Variants in CTNNA3 observed in about 807,000 individuals in gnomAD.
The protein encoded by CTNNA3 is catenin alpha-3.
A neutral mutation model predicts 95.7 loss-of-function variants in CTNNA3; 76 were observed. The ratio of observed to expected loss-of-function variants is 0.79; its 90% CI spans 0.66 to 0.96. The LOEUF (loss-of-function observed/expected upper bound fraction) is 0.96. Ranked by LOEUF, CTNNA3 falls within the 40% of genes least tolerant of loss-of-function variation. The pLI, the probability that CTNNA3 is intolerant of heterozygous loss-of-function variation, is 0.00. For synonymous variants in CTNNA3, 431 were observed against 374.4 expected, an observed-to-expected ratio of 1.15 and a Z score of -1.74; for missense variants, 1,191 against 1,089.8, an observed-to-expected ratio of 1.09 and a Z score of -1.31.
intron 7 of CTNNA3, among the ~76,000 whole-genome samples, chr10:66,920,391 G>A (rs1057183549): frequency 6.6e-6 from 1 of 152,174 alleles, no homozygotes; most frequent in African/African-American, 2.4e-5. Context: ...CAGTACATGT[G>A]TTGAGTCCAA....
chr10:66,500,851 G>A (rs1046179566), intron 11 of CTNNA3, among the ~76,000 whole-genome samples: 4 of 152,152 alleles, frequency 2.6e-5, no homozygotes, highest in African/African-American at 9.7e-5. Flanking sequence ...TTGTAGGGTA[G>A]TTGGTCTGGA....
intron 3 of CTNNA3, among the ~76,000 whole-genome samples, chr10:67,560,455 A>G (rs917623300): frequency 8.6e-4 from 130 of 151,776 alleles, no homozygotes; most frequent in African/African-American, 3.0e-3. Context: ...TTTGTCACCA[A>G]CAGGCCTGCC....
intron 3 of CTNNA3, among the ~76,000 whole-genome samples, chr10:67,557,387 G>A (rs1841297051): frequency 6.6e-6 from 1 of 152,104 alleles, no homozygotes; most frequent in Non-Finnish European, 1.5e-5. Flanking sequence ...TCACCATTAA[G>A]CATTCAATTT....
intron 10 of CTNNA3, among the ~76,000 whole-genome samples, chr10:66,541,130 C>G (rs1841836868): frequency 6.6e-6 from 1 of 152,074 alleles, no homozygotes; most frequent in Non-Finnish European, 1.5e-5. Context: ...AATGGAGAAT[C>G]TACAGGGATG....
At chr10:66,389,742 A>ATT (rs1488068641) in intron 11 of CTNNA3, among the ~76,000 whole-genome samples, 1 of 151,642 alleles carries the variant, frequency 6.6e-6, no homozygotes, top group South Asian at 2.1e-4. Flanking sequence ...AGAGAGAGAG[A>ATT]GAGAGAGAGA....
Position 66,536,016 on chromosome 10 carries a change from C to T in CTNNA3, c.1375-15243G>A, listed in dbSNP as rs540052921. 7.3e-4 allele frequency among the ~76,000 whole-genome samples: 111 copies of T among 152,000 alleles called. 2 individuals carry two copies. The highest frequency in any genetic ancestry group is 2.6e-3 in the African/African-American group (107 of 41,458). ...ATTGCAGCAAATCTATGTTGAGATACACAGATATCAGAAACAAAATCTGGG... is the reference window on the plus strand; with the variant it reads ...ATTGCAGCAAATCTATGTTGAGATATACAGATATCAGAAACAAAATCTGGG... On this transcript the variant is annotated intron_variant, in intron 10 of 17. Coordinates refer to ENST00000433211, the MANE Select transcript of CTNNA3 (RefSeq NM_013266.4).
intron 7 of CTNNA3, among the ~76,000 whole-genome samples, chr10:67,060,296 G>A (rs1855687748): frequency 6.6e-6 from 1 of 152,108 alleles, no homozygotes; most frequent in African/African-American, 2.4e-5. Context: ...CCAGCCTGGT[G>A]ACAGAGACCT....
At chr10:66,467,447 T>C (rs1163441203) in intron 11 of CTNNA3, among the ~76,000 whole-genome samples, 1 of 152,060 alleles carries the variant, frequency 6.6e-6, no homozygotes, top group Non-Finnish European at 1.5e-5. Flanking sequence ...CCATATCTCT[T>C]ACCCACTCCC....
At chr10:66,923,668 T>G (rs1024596014) in intron 7 of CTNNA3, among the ~76,000 whole-genome samples, 4 of 152,214 alleles carry the variant, frequency 2.6e-5, no homozygotes, top group Non-Finnish European at 4.4e-5. Flanking sequence ...CTGTGAAAAG[T>G]AAAGATCACT....
intron 16 of CTNNA3, among the ~76,000 whole-genome samples, chr10:65,976,397 G>C (rs745674645): frequency 1.4e-4 from 22 of 152,208 alleles, no homozygotes; most frequent in African/African-American, 5.1e-4. Flanking sequence ...AGCAAAACAT[G>C]CTGTCTCTAT....
At chr10:66,795,134 A>T (rs1841138266) in intron 7 of CTNNA3, among the ~76,000 whole-genome samples, 1 of 152,166 alleles carries the variant, frequency 6.6e-6, no homozygotes, top group African/African-American at 2.4e-5. Flanking sequence ...TGAATCATGA[A>T]TGTTCTTAAT....
At chr10:67,426,106 C>A (rs1845914303) in intron 5 of CTNNA3, among the ~76,000 whole-genome samples, 1 of 152,022 alleles carries the variant, frequency 6.6e-6, no homozygotes, top group Non-Finnish European at 1.5e-5. Flanking sequence ...AGCAAGAATT[C>A]CCAAATGGGT....
In CTNNA3 at chr10:66,855,847, G is replaced by C. The variant is rs78763391; in HGVS notation, c.1048-80323C>G. Among the ~76,000 whole-genome samples, 946 of 152,098 alleles carry C rather than the reference G, an allele frequency of 6.2e-3. 13 individuals carry two copies. Among genetic ancestry groups the C allele is most frequent in the African/African-American group, 0.021 (892 of 41,552 alleles). ...CATGAACCAACACATGCAAGGGTAA[G>C]TGCAAGACTAGTAACACATGTCTTC... On this transcript the variant is annotated intron_variant, in intron 7 of 17. Transcript: ENST00000433211.
chr10:66,766,461 G>A, intron 8 of CTNNA3, 45 bp from the exon 9 acceptor site: 2 of 1,524,578 alleles, frequency 1.3e-6, no homozygotes. Flanking sequence ...CCAGGAAATA[G>A]TTCACTGTGT....
intron 13 of CTNNA3, among the ~76,000 whole-genome samples, chr10:66,205,373 A>G (rs1390501871): frequency 6.6e-6 from 1 of 152,034 alleles, no homozygotes; most frequent in Non-Finnish European, 1.5e-5. Flanking sequence ...ACTTGCTGAA[A>G]ACATTAGTGA....
intron 7 of CTNNA3, among the ~76,000 whole-genome samples, chr10:67,072,015 C>T (rs1340534941): frequency 1.3e-5 from 2 of 152,170 alleles, no homozygotes; most frequent in Admixed American, 6.5e-5. Flanking sequence ...GTGCTGTGCA[C>T]GATCTCAGCG....
chr10:66,127,346 T>C (rs2082878433), intron 13 of CTNNA3, among the ~76,000 whole-genome samples: 1 of 151,226 alleles, frequency 6.6e-6, no homozygotes, highest in African/African-American at 2.4e-5. Context: ...GTCATCAATG[T>C]CAACATCAAC....
chr10:66,813,600 A>G (rs190364384), intron 7 of CTNNA3, among the ~76,000 whole-genome samples: 1 of 152,318 alleles, frequency 6.6e-6, no homozygotes, highest in Admixed American at 6.5e-5. Context: ...ATTACTGGTC[A>G]TTCGTTAATT....
intron 9 of CTNNA3, among the ~76,000 whole-genome samples, chr10:66,651,691 G>A (rs868765309): frequency 3.3e-5 from 5 of 152,052 alleles, no homozygotes; most frequent in South Asian, 2.1e-4. Context: ...CGCACCCTCT[G>A]CACCTGCTGG....
Sources: allele counts gnomAD v4.1 joint callset (sites outside exome capture counted in the v4.1 genomes callset), GRCh38; gene constraint gnomAD v4.1.1; transcripts MANE v1.5; gene names NCBI Gene and HGNC (gene_info 2026-07-23, HGNC 2026-07-21).